The following AKAP19 variants were observed in gnomAD, a reference collection of about 807,000 sequenced individuals.
The protein encoded by AKAP19 is A-kinase anchoring protein 19, also known as small A-kinase anchoring protein.
At chr2:190,047,289 TCTTC>T in the AKAP19 span, among the ~76,000 whole-genome samples, 1 of 152,180 alleles carries the variant, frequency 6.6e-6, no homozygotes, top group African/African-American at 2.4e-5. Context: ...GGAATGCCCT[TCTTC>T]CTTCTTCTTT....
the AKAP19 span, among the ~76,000 whole-genome samples, chr2:190,192,610 T>A: frequency 2.0e-5 from 3 of 152,042 alleles, no homozygotes; most frequent in Non-Finnish European, 4.4e-5. Flanking sequence ...ACATGTTAAT[T>A]TGGGGAGGAC....
chr2:190,177,120 T>A, the AKAP19 span, among the ~76,000 whole-genome samples: 3 of 152,158 alleles, frequency 2.0e-5, no homozygotes, highest in Non-Finnish European at 4.4e-5. This position sits in a 1 kb window ranked among gnomAD's most constrained non-coding sequence, Gnocchi z 4.6. Flanking sequence ...TATCCCATAA[T>A]GGTATTTTTT....
the AKAP19 span, among the ~76,000 whole-genome samples, chr2:189,984,167 G>C: frequency 6.6e-6 from 1 of 152,134 alleles, no homozygotes; most frequent in Non-Finnish European, 1.5e-5. Flanking sequence ...AGATCAACCT[G>C]TCTGACCAAA....
At chr2:190,024,428 C>T in the AKAP19 span, among the ~76,000 whole-genome samples, 2 of 148,344 alleles carry the variant, frequency 1.3e-5, no homozygotes, top group Admixed American at 6.8e-5. Context: ...CAAGAATTCC[C>T]GGTTCATTTC....
the AKAP19 span, among the ~76,000 whole-genome samples, chr2:190,034,108 A>G: frequency 2.6e-5 from 1 of 37,964 alleles, no homozygotes; most frequent in Non-Finnish European, 5.7e-5. Flanking sequence ...TAAATAAAAA[A>G]TTATAAAGTC....
the AKAP19 span, among the ~76,000 whole-genome samples, chr2:190,018,245 C>T: frequency 6.6e-6 from 1 of 152,040 alleles, no homozygotes; most frequent in Admixed American, 6.5e-5. Flanking sequence ...TTTCTGGCTT[C>T]TTTTCTCTCC....
the AKAP19 span, among the ~76,000 whole-genome samples, chr2:190,049,528 A>G: frequency 6.6e-6 from 1 of 152,388 alleles, no homozygotes; most frequent in East Asian, 1.9e-4. Flanking sequence ...ACGAACCCAC[A>G]TGCAGTGTGG....
the AKAP19 span, among the ~76,000 whole-genome samples, chr2:189,897,199 CT>C: frequency 1.2e-4 from 18 of 152,044 alleles, no homozygotes; most frequent in African/African-American, 4.1e-4. Flanking sequence ...TTTCTTATTT[CT>C]TTTTATCTAT....
chr2:190,192,844 A>G, the AKAP19 span, among the ~76,000 whole-genome samples: 33 of 152,184 alleles, frequency 2.2e-4, no homozygotes, highest in East Asian at 5.8e-3. Context: ...ATTACTTTTT[A>G]TATGTCACTT....
chr2:190,175,814 T>C, the AKAP19 span, among the ~76,000 whole-genome samples: 272 of 152,328 alleles, frequency 1.8e-3, 1 homozygote, highest in African/African-American at 6.4e-3. Context: ...CAAACTGCCA[T>C]GGTTTGAATG....
the AKAP19 span, chr2:190,190,117 G>A: frequency 3.9e-5 from 6 of 152,232 alleles, no homozygotes; most frequent in East Asian, 1.2e-3. Flanking sequence ...AGATGTTAAA[G>A]GTACAATCTA....
chr2:190,022,109 C>T, the AKAP19 span, among the ~76,000 whole-genome samples: 2 of 151,898 alleles, frequency 1.3e-5, no homozygotes, highest in Non-Finnish European at 2.9e-5. Context: ...ATTAATTAAT[C>T]CATTCATGAA....
the AKAP19 span, among the ~76,000 whole-genome samples, chr2:190,100,458 G>T: frequency 6.6e-6 from 1 of 152,118 alleles, no homozygotes; most frequent in Non-Finnish European, 1.5e-5. Context: ...GTATCCTATA[G>T]GCTACTTTTC....
chr2:190,009,396 G>T, the AKAP19 span, among the ~76,000 whole-genome samples: 1 of 152,124 alleles, frequency 6.6e-6, no homozygotes, highest in Admixed American at 6.5e-5. Flanking sequence ...TTGGATTCAG[G>T]ATATATATTT....
chr2:190,052,052 G>A, the AKAP19 span, among the ~76,000 whole-genome samples: 1 of 151,910 alleles, frequency 6.6e-6, no homozygotes, highest in Non-Finnish European at 1.5e-5. Flanking sequence ...TGTTAGTCAG[G>A]ATGGTCTTGA....
the AKAP19 span, among the ~76,000 whole-genome samples, chr2:189,986,828 C>T: frequency 6.6e-6 from 1 of 152,060 alleles, no homozygotes; most frequent in African/African-American, 2.4e-5. Context: ...CTAAAGCCTC[C>T]TTCAAGAAAG....
chr2:190,061,911 TA>T, the AKAP19 span, among the ~76,000 whole-genome samples: 8 of 152,030 alleles, frequency 5.3e-5, no homozygotes, highest in Non-Finnish European at 1.0e-4. Flanking sequence ...CTGCTTGTAG[TA>T]TCTCCCAGTC....
chr2:189,901,529 G>T, the AKAP19 span, among the ~76,000 whole-genome samples: 1 of 151,958 alleles, frequency 6.6e-6, no homozygotes, highest in African/African-American at 2.4e-5. Context: ...GTAAAGACGG[G>T]GTTTCATCAT....
At chr2:189,888,111 T>A in the AKAP19 span, among the ~76,000 whole-genome samples, 3 of 152,374 alleles carry the variant, frequency 2.0e-5, no homozygotes, top group Non-Finnish European at 4.4e-5. Context: ...AAGTCTTTAA[T>A]CCATCTTGAG....
Sources: gnomAD v4.1 joint callset for allele counts (sites outside exome capture counted in the v4.1 genomes callset) on GRCh38, gnomAD v4.1.1 for gene constraint, Gnocchi (gnomAD v3.1) non-coding constraint, MANE v1.5 for transcripts, NCBI Gene and HGNC (gene_info 2026-07-23, HGNC 2026-07-21) for gene names.